The following PPFIA2 variants were observed in gnomAD, a reference collection of about 807,000 sequenced individuals.
The protein encoded by PPFIA2 is PPFI scaffold protein A2.
In PPFIA2, 46 loss-of-function variants were observed where a neutral mutation model predicts 175.5. That is an observed-to-expected ratio of 0.26 (90% CI 0.21 to 0.34). The LOEUF (loss-of-function observed/expected upper bound fraction) is 0.34, where lower values mean the gene tolerates loss of function less well. PPFIA2 is among the 10% of genes least tolerant of loss of function. The pLI is 1.00. For missense variants in PPFIA2, 1,179 were observed against 1,506.1 expected (o/e 0.78, Z 3.60); for synonymous variants, 568 against 511.4 (o/e 1.11, Z -1.49).
chr12:81,634,368 T>C (rs2063746856), intron 4 of PPFIA2, among the ~76,000 whole-genome samples: 1 of 152,022 alleles, frequency 6.6e-6, no homozygotes, highest in Non-Finnish European at 1.5e-5. Flanking sequence ...TTTTGTGGAA[T>C]GAAAAAAAAT....
chr12:81,611,300 T>A (rs754068027), intron 4 of PPFIA2, among the ~76,000 whole-genome samples: 7 of 152,140 alleles, frequency 4.6e-5, no homozygotes, highest in Non-Finnish European at 8.8e-5. Flanking sequence ...ACTCCACTCC[T>A]ACCTGGGGCC....
intron 4 of PPFIA2, among the ~76,000 whole-genome samples, chr12:81,534,704 T>C (rs1024760297): frequency 3.3e-5 from 5 of 151,488 alleles, no homozygotes; most frequent in East Asian, 1.9e-4. Context: ...TTGATATACA[T>C]CAAGAACCAA....
chr12:81,478,151 T>A (rs1206457538), intron 4 of PPFIA2, among the ~76,000 whole-genome samples: 2 of 152,182 alleles, frequency 1.3e-5, no homozygotes, highest in Admixed American at 1.3e-4. Flanking sequence ...GGTGTATATG[T>A]CCAGGAATTT....
intron 4 of PPFIA2, among the ~76,000 whole-genome samples, chr12:81,494,758 G>A (rs572937733): frequency 1.1e-4 from 16 of 151,968 alleles, no homozygotes; most frequent in African/African-American, 3.6e-4. Flanking sequence ...GGAATACTAT[G>A]CAGCCATAAA....
intron 28 of PPFIA2, among the ~76,000 whole-genome samples, chr12:81,273,443 T>A (rs2136522351): frequency 6.6e-6 from 1 of 152,324 alleles, no homozygotes; most frequent in Middle Eastern, 3.4e-3. Flanking sequence ...GTCTTGTCCC[T>A]CTTAATTGGT....
At position 81,754,092 on chromosome 12, in the gene PPFIA2, G is replaced by A. The variant is rs775868568; in HGVS notation, c.130C>T (p.Arg44Cys). 8.1e-6 allele frequency: 13 copies of A among 1,613,830 alleles called. No individual in the cohort carries two copies. The highest frequency in any genetic ancestry group is 6.7e-5 in the East Asian group (3 of 44,858). ...LMVNMLDERD[R>C]LLDTLRETQE... Reference sequence around the variant, plus strand: ...GTCTCCCGAAGGGTGTCTAGAAGACGATCCCTTTCATCTAGCATATTCACC... The same window carrying A: ...GTCTCCCGAAGGGTGTCTAGAAGACAATCCCTTTCATCTAGCATATTCACC... Residue 44 changes from arginine to cysteine, a missense_variant, in exon 3 of 33, where the codon CGT (arginine) becomes TGT (cysteine). Transcript: ENST00000549396.
At chr12:81,554,433 G>A (rs2068485157) in intron 4 of PPFIA2, among the ~76,000 whole-genome samples, 1 of 151,918 alleles carries the variant, frequency 6.6e-6, no homozygotes, top group African/African-American at 2.4e-5. Flanking sequence ...TTTTAACTCT[G>A]CTCCTACCTA....
chr12:81,308,947 C>T, intron 22 of PPFIA2, among the ~76,000 whole-genome samples: 1 of 152,090 alleles, frequency 6.6e-6, no homozygotes, highest in African/African-American at 2.4e-5. Context: ...TACTATGGCA[C>T]ATAAGAAGTA....
At chr12:81,585,036 T>TA (rs2075094268) in intron 4 of PPFIA2, among the ~76,000 whole-genome samples, 2 of 85,800 alleles carry the variant, frequency 2.3e-5, no homozygotes, top group East Asian at 6.5e-4. Flanking sequence ...TTAATTATAT[T>TA]TATATATAAT....
At chr12:81,680,112 GACTT>G (rs1344231211) in intron 3 of PPFIA2, among the ~76,000 whole-genome samples, 1 of 151,770 alleles carries the variant, frequency 6.6e-6, no homozygotes, top group Non-Finnish European at 1.5e-5. Flanking sequence ...AAAGTTTTTT[GACTT>G]ACTATTGTAA....
intron 4 of PPFIA2, among the ~76,000 whole-genome samples, chr12:81,551,068 T>C (rs1395741924): frequency 7.3e-5 from 11 of 150,490 alleles, no homozygotes; most frequent in Admixed American, 7.3e-4. Flanking sequence ...AGCAACTTTA[T>C]TGGCATGACT....
rs898789030 is a variant in PPFIA2 at position 81,423,488 on chromosome 12, T to G, written c.645+16484A>C. Among the ~76,000 whole-genome samples, 5 of 152,210 alleles carry G rather than the reference T, an allele frequency of 3.3e-5. No homozygotes were observed. In the South Asian group the frequency reaches 1.0e-3, roughly 32 times the overall value. On this transcript the variant is annotated intron_variant, in intron 7 of 32. Transcript: ENST00000549396. ...TATGATACAACACATCAGCAAAATT[T>G]TTTAGAAACAGAATTATCTCAACAG...
intron 4 of PPFIA2, among the ~76,000 whole-genome samples, chr12:81,556,493 A>G (rs1317942864): frequency 6.6e-6 from 1 of 151,914 alleles, no homozygotes; most frequent in Non-Finnish European, 1.5e-5. Flanking sequence ...CCACAAACTA[A>G]CATAACATAT....
In PPFIA2 at chr12:81,514,301, T is replaced by C. The variant is rs141354137; in HGVS notation, c.304-56435A>G. ...TGTTAGCATTTAAAACACCTTATCT[T>C]TCTTTTATTCTAAAAGAAAATTAAT... On this transcript the variant is annotated intron_variant, in intron 4 of 32. Coordinates refer to ENST00000549396, the MANE Select transcript of PPFIA2 (RefSeq NM_003625.5). Among the ~76,000 whole-genome samples, 73 of 152,052 alleles carry C rather than the reference T, an allele frequency of 4.8e-4. 1 individual carries two copies. The East Asian group carries it at 0.013, about 27-fold the overall frequency.
At chr12:81,534,467 T>A (rs1306584394) in intron 4 of PPFIA2, among the ~76,000 whole-genome samples, 1 of 151,674 alleles carries the variant, frequency 6.6e-6, no homozygotes, top group Non-Finnish European at 1.5e-5. Flanking sequence ...TGTACAAATA[T>A]TATGTATCAG....
intron 27 of PPFIA2, among the ~76,000 whole-genome samples, chr12:81,278,468 G>T: frequency 6.6e-6 from 1 of 151,492 alleles, no homozygotes; most frequent in East Asian, 1.9e-4. Flanking sequence ...TTGAGCCCGG[G>T]AGGCGGAGGT....
intron 28 of PPFIA2, chr12:81,270,814 A>G (rs953194506): frequency 2.6e-5 from 4 of 152,144 alleles, no homozygotes; most frequent in African/African-American, 9.7e-5. Context: ...AATCAGTAAC[A>G]CCCATTATGA....
At chr12:81,458,246 T>A (rs2053915624) in intron 4 of PPFIA2, among the ~76,000 whole-genome samples, 1 of 152,150 alleles carries the variant, frequency 6.6e-6, no homozygotes, top group Non-Finnish European at 1.5e-5. Context: ...CAGAGTACAG[T>A]GGATCTTCAG....
intron 24 of PPFIA2, among the ~76,000 whole-genome samples, chr12:81,293,704 A>C (rs1270413380): frequency 1.3e-5 from 2 of 152,212 alleles, no homozygotes; most frequent in Non-Finnish European, 2.9e-5. Flanking sequence ...AATGTAAATT[A>C]ATACAACCTC....
Sources: allele counts gnomAD v4.1 joint callset (sites outside exome capture counted in the v4.1 genomes callset), GRCh38; gene constraint gnomAD v4.1.1; transcripts MANE v1.5; gene names NCBI Gene and HGNC (gene_info 2026-07-23, HGNC 2026-07-21).